The following ELOVL5 variants were observed in gnomAD, a reference collection of about 807,000 sequenced individuals.
ELOVL5 encodes the protein very long chain fatty acid elongase 5.
A neutral mutation model predicts 38.6 loss-of-function variants in ELOVL5; 8 were observed. The observed-to-expected ratio is 0.21, with a 90% CI of 0.12 to 0.37. The LOEUF (loss-of-function observed/expected upper bound fraction) is 0.37, where lower values mean the gene tolerates loss of function less well. Among genes scored for constraint, ELOVL5 ranks in the 10% least tolerant of loss-of-function variants. The pLI is 1.00. For synonymous variants in ELOVL5, 127 were observed against 133.7 expected (o/e 0.95, Z 0.34); for missense variants, 280 against 367.8 (o/e 0.76, Z 1.95).
intron 1 of ELOVL5, among the ~76,000 whole-genome samples, chr6:53,322,602 AC>A (rs1342140717): frequency 6.6e-6 from 1 of 152,200 alleles, no homozygotes; most frequent in Non-Finnish European, 1.5e-5. Flanking sequence ...CCTAGAATAA[AC>A]AAACAGCATA....
intron 3 of ELOVL5, among the ~76,000 whole-genome samples, chr6:53,289,361 A>T (rs1379306633): frequency 6.6e-6 from 1 of 152,148 alleles, no homozygotes; most frequent in African/African-American, 2.4e-5. Context: ...AGTTCGTTCC[A>T]TTGTAAAACT....
chr6:53,293,947 A>G, intron 2 of ELOVL5: 1 of 340,638 alleles, frequency 2.9e-6, no homozygotes, highest in Non-Finnish European at 4.6e-6. Flanking sequence ...CTTTAAGGGG[A>G]TGCTTAACAC....
chr6:53,284,281 G>C (rs1766478030), intron 3 of ELOVL5, among the ~76,000 whole-genome samples: 1 of 149,420 alleles, frequency 6.7e-6, no homozygotes, highest in African/African-American at 2.5e-5. Context: ...ACTTCAGCCT[G>C]GGCAACAGAG....
At chr6:53,342,280 C>T (rs1285925903) in intron 1 of ELOVL5, among the ~76,000 whole-genome samples, 1 of 152,204 alleles carries the variant, frequency 6.6e-6, no homozygotes, top group East Asian at 1.9e-4. Flanking sequence ...ACATTTCAAA[C>T]TCCCCTGGAA....
chr6:53,294,247 A>T (rs968239289), intron 2 of ELOVL5: 35 of 1,530,504 alleles, frequency 2.3e-5, no homozygotes, highest in Non-Finnish European at 2.9e-5. Flanking sequence ...GGATCTAGTC[A>T]ATCTGTGGTG....
chr6:53,325,101 C>T (rs1028088141), intron 1 of ELOVL5, among the ~76,000 whole-genome samples: 5 of 152,156 alleles, frequency 3.3e-5, no homozygotes, highest in African/African-American at 1.2e-4. Context: ...CACCCTAGGT[C>T]CACTCGCTAA....
chr6:53,348,328 C>G (rs1769665356), intron 1 of ELOVL5, among the ~76,000 whole-genome samples: 1 of 151,864 alleles, frequency 6.6e-6, no homozygotes. Flanking sequence ...CGCAGACCCT[C>G]GCACAGGCTC....
intron 1 of ELOVL5, among the ~76,000 whole-genome samples, chr6:53,328,297 A>G (rs540817068): frequency 1.3e-4 from 20 of 152,340 alleles, no homozygotes; most frequent in Non-Finnish European, 1.9e-4. Context: ...TATATTAGAT[A>G]GTGCAAAATA....
chr6:53,286,998 G>A (rs988198631), intron 3 of ELOVL5, among the ~76,000 whole-genome samples: 1 of 152,040 alleles, frequency 6.6e-6, no homozygotes, highest in Admixed American at 6.5e-5. Flanking sequence ...CATTTGTTAG[G>A]TGCACAGATA....
chr6:53,290,797 G>GA (rs3215546), intron 3 of ELOVL5, among the ~76,000 whole-genome samples: 51,836 of 151,850 alleles, frequency 0.34, 9,478 homozygotes, highest in African/African-American at 0.48. Context: ...GGCTGATGGA[G>GA]AATTCATTTT....
intron 1 of ELOVL5, among the ~76,000 whole-genome samples, chr6:53,326,155 G>C (rs1581983466): frequency 6.6e-6 from 1 of 152,194 alleles, no homozygotes; most frequent in African/African-American, 2.4e-5. Flanking sequence ...CTCTTAGCCT[G>C]TTGAAGCCAT....
At chr6:53,325,537 A>G (rs1768507219) in intron 1 of ELOVL5, among the ~76,000 whole-genome samples, 2 of 152,248 alleles carry the variant, frequency 1.3e-5, no homozygotes, top group Non-Finnish European at 2.9e-5. Context: ...CTAGACTCAC[A>G]TGAAAAGTTG....
Position 53,268,814 on chromosome 6 carries a change from A to G in ELOVL5, c.*313T>C, listed in dbSNP as rs1387933476. The G allele has an allele frequency of 4.7e-6, 1 of 211,456 alleles. No homozygotes were observed. Among genetic ancestry groups the G allele is most frequent in the African/African-American group, 2.3e-5 (1 of 43,782 alleles). The allele number at this position is 211,456 out of a possible 1,614,324, so 13.1% of individuals were successfully genotyped here. A position where few individuals can be genotyped will look rare whatever the true frequency, so the allele number is the denominator to read the frequency against. On this transcript the variant is annotated 3_prime_UTR_variant, in exon 8 of 8. Transcript: ENST00000304434. ...AAAAAGTTTGGATTACAGTGTTTTT[A>G]AATTGTGAATCACAATTCAGCACCT...
At chr6:53,328,582 C>A (rs1768651104) in intron 1 of ELOVL5, among the ~76,000 whole-genome samples, 1 of 152,072 alleles carries the variant, frequency 6.6e-6, no homozygotes, top group Non-Finnish European at 1.5e-5. Context: ...GGACATGATG[C>A]AGCAATTTTT....
In ELOVL5 at chr6:53,276,085, G is replaced by A. The variant is rs1766104977; in HGVS notation, c.324+94C>T. On this transcript the variant is annotated intron_variant, in intron 4 of 7. Transcript: ENST00000304434. ...TAAAAATATCAACAGGGATTGCCTG[G>A]GCAGTGAGGTTATGGGCCATTTTGT... 5 of 770,372 alleles carry A rather than the reference G, an allele frequency of 6.5e-6. No homozygotes were observed. In the South Asian group the frequency reaches 8.9e-5, roughly 14 times the overall value. The allele number at this position is 770,372 out of a possible 1,614,324, so 47.7% of individuals were successfully genotyped here. A position where few individuals can be genotyped will look rare whatever the true frequency, so the allele number is the denominator to read the frequency against.
intron 1 of ELOVL5, among the ~76,000 whole-genome samples, chr6:53,330,027 C>T (rs945105364): frequency 6.6e-6 from 1 of 152,186 alleles, no homozygotes; most frequent in Non-Finnish European, 1.5e-5. Context: ...AGACGCGTCA[C>T]TTAACAATGG....
intron 3 of ELOVL5, among the ~76,000 whole-genome samples, chr6:53,284,018 A>AAG (rs1158541955): frequency 6.6e-6 from 1 of 152,088 alleles, no homozygotes; most frequent in African/African-American, 2.4e-5. Flanking sequence ...AAAAAAAAAA[A>AAG]AGTGAGGCCA....
intron 5 of ELOVL5, 79 bp from the exon 6 acceptor site, chr6:53,273,423 A>G (rs1391073860): frequency 3.7e-6 from 5 of 1,333,748 alleles, no homozygotes; most frequent in Non-Finnish European, 4.2e-6. Context: ...AAAAAAATAC[A>G]AGATTCTTTT....
At chr6:53,276,056 C>A (rs1020560103) in intron 4 of ELOVL5, 123 bp downstream of exon 4, 16 of 650,890 alleles carry the variant, frequency 2.5e-5, no homozygotes, top group Non-Finnish European at 3.7e-5. Flanking sequence ...CTTTTTTATT[C>A]TTTTAAAAAT....
Sources: allele counts gnomAD v4.1 joint callset (sites outside exome capture counted in the v4.1 genomes callset), GRCh38; gene constraint gnomAD v4.1.1; transcripts MANE v1.5; gene names NCBI Gene and HGNC (gene_info 2026-07-23, HGNC 2026-07-21).